The following DUSP18 variants were observed in gnomAD, a reference collection of about 807,000 sequenced individuals.
The protein encoded by DUSP18 is dual specificity phosphatase 18.
Under a neutral mutation model 6.3 loss-of-function variants are expected in DUSP18, and 4 were observed. That is an observed-to-expected ratio of 0.63 (90% CI 0.31 to 1.45). DUSP18 has a LOEUF of 1.45. DUSP18 is among the 40% of genes most tolerant of loss of function. The probability of loss-of-function intolerance (pLI) is 0.07; values close to 1 mark genes in which losing one functional copy is unlikely to be tolerated. For synonymous variants in DUSP18, 96 were observed against 95.1 expected (o/e 1.01, Z -0.05); for missense variants, 235 against 247.7 (o/e 0.95, Z 0.34).
chr22:30,660,593 G>A (rs2088437376), downstream of DUSP18, among the ~76,000 whole-genome samples: 2 of 152,196 alleles, frequency 1.3e-5, no homozygotes, highest in Non-Finnish European at 2.9e-5. Flanking sequence ...AACAATACTT[G>A]AAGAAATCAT....
chr22:30,663,729 C>T lies in DUSP18; in HGVS notation c.275G>A (p.Ser92Asn). Residue 92 changes from serine to asparagine, a missense_variant, in exon 2 of 2, where the codon AGC becomes AAC. Ser to Asn is a conservative substitution (Grantham distance 46). Coordinates refer to ENST00000334679, the MANE Select transcript of DUSP18 (RefSeq NM_152511.5). Reference sequence around the variant, plus strand: ...AGTACGGCCCTGCTTCATCTCCACGCTGTGGATATGGTCAGCAATAGGGTC... The same window carrying T: ...AGTACGGCCCTGCTTCATCTCCACGTTGTGGATATGGTCAGCAATAGGGTC... Reference protein sequence around the residue: ...FFDPIADHIHSVEMKQGRTLL... With the variant: ...FFDPIADHIHNVEMKQGRTLL... 1 of 1,614,242 alleles carries T rather than the reference C, an allele frequency of 6.2e-7. No homozygotes were observed.
At chr22:30,654,364 TG>T in intron 2 of DUSP18, 1 of 463,684 alleles carries the variant, frequency 2.2e-6, no homozygotes, top group African/African-American at 2.0e-5. Context: ...TGTCACTGTC[TG>T]GTACTTCCAG....
intron 1 of DUSP18, among the ~76,000 whole-genome samples, chr22:30,665,828 A>G (rs1255681417): frequency 6.7e-6 from 1 of 150,136 alleles, no homozygotes; most frequent in African/African-American, 2.5e-5. Context: ...CTTGATAAAT[A>G]TTTGTTGAAT....
chr22:30,658,436 C>T (rs1247418129), downstream of DUSP18, among the ~76,000 whole-genome samples: 1 of 151,362 alleles, frequency 6.6e-6, no homozygotes, highest in Non-Finnish European at 1.5e-5. Context: ...CAGAAAAGCA[C>T]CTAAAACTCT....
At position 30,662,452 on chromosome 22, in the gene DUSP18, C is replaced by T. The variant is rs190940171; in HGVS notation, c.*985G>A. ...CATGTGCCCTGGAGAAGGGGACTAA[C>T]ACCATCTTTTGCCAAAGTTTGGTGA... On this transcript the variant is annotated 3_prime_UTR_variant, in exon 2 of 2. Transcript: ENST00000334679. 9 of 152,324 alleles carry T rather than the reference C, an allele frequency of 5.9e-5. No homozygotes were observed. Among genetic ancestry groups the T allele is most frequent in the Non-Finnish European group, 1.3e-4 (9 of 68,040 alleles). 9.4% of individuals were successfully genotyped at this position (152,324 alleles called of 1,614,324 possible).
chr22:30,665,273 T>A (rs1269291132), intron 1 of DUSP18, among the ~76,000 whole-genome samples: 1 of 152,224 alleles, frequency 6.6e-6, no homozygotes, highest in Non-Finnish European at 1.5e-5. Flanking sequence ...TCAGTGGCTA[T>A]CCACTGTGAG....
rs181226534 is a variant in DUSP18 at position 30,666,482 on chromosome 22, C to T, written c.-78+980G>A. 8.5e-3 allele frequency among the ~76,000 whole-genome samples: 1,294 copies of T among 151,980 alleles called. 9 individuals are homozygous for T. Among genetic ancestry groups the T allele is most frequent in the South Asian group, 0.026 (126 of 4,810 alleles). ...ACTAAAAATACAAAAATTAGCCAGG[C>T]GTGGTGGCATGGGCCTGTAGTCCCA... On this transcript the variant is annotated intron_variant, in intron 1 of 1. Coordinates refer to ENST00000334679, the MANE Select transcript of DUSP18 (RefSeq NM_152511.5).
chr22:30,665,898 A>G (rs1191288621), intron 1 of DUSP18, among the ~76,000 whole-genome samples: 1 of 135,584 alleles, frequency 7.4e-6, no homozygotes, highest in Non-Finnish European at 1.6e-5. Flanking sequence ...GGAAAGAATG[A>G]GTTCTCTGGC....
chr22:30,665,400 C>G (rs1380248040), intron 1 of DUSP18: 2 of 381,804 alleles, frequency 5.2e-6, no homozygotes, highest in African/African-American at 4.2e-5. Context: ...GTGAACCGAG[C>G]CACTTACAGT....
intron 2 of DUSP18, chr22:30,653,946 G>A (rs5997722): frequency 0.17 from 28,254 of 166,702 alleles, 3,002 homozygotes; most frequent in African/African-American, 0.29. Context: ...CGTTCTTTTC[G>A]GCCTGTTTCT....
chr22:30,652,245 A>T (rs2145588527), exon 3 of DUSP18: 1 of 152,270 alleles, frequency 6.6e-6, no homozygotes, highest in South Asian at 2.1e-4. Flanking sequence ...ACAAGATCAG[A>T]CGAGCCAGTT....
At chr22:30,659,286 G>C (rs1211319125), downstream of DUSP18, among the ~76,000 whole-genome samples, 2 of 152,060 alleles carry the variant, frequency 1.3e-5, no homozygotes, top group African/African-American at 4.8e-5. Context: ...AAAATGCCTA[G>C]GATACAATCA....
At chr22:30,660,689 A>G (rs867350723), downstream of DUSP18, among the ~76,000 whole-genome samples, 2 of 152,232 alleles carry the variant, frequency 1.3e-5, no homozygotes, top group South Asian at 4.1e-4. Context: ...CCATGTCCAT[A>G]TACATCATAA....
At chr22:30,666,177 G>A (rs2088651420) in intron 1 of DUSP18, among the ~76,000 whole-genome samples, 1 of 152,158 alleles carries the variant, frequency 6.6e-6, no homozygotes, top group Admixed American at 6.5e-5. Flanking sequence ...CCATAGAGAA[G>A]TGAACTGATG....
Position 30,653,373 on chromosome 22 carries a change from T to C in DUSP18, c.*34-1076A>G, listed in dbSNP as rs564123546. Among the ~76,000 whole-genome samples, 1,304 of 149,610 alleles carry C rather than the reference T, an allele frequency of 8.7e-3. 18 individuals are homozygous for C. The highest frequency in any genetic ancestry group is 0.014 in the Middle Eastern group (4 of 278). On this transcript the variant is annotated intron_variant, in intron 2 of 2. Coordinates refer to the DUSP18 transcript ENST00000404885. ...AACCCTCATGTGCCCCCTTCCTCCT[T>C]CTTTTTTTTTTTTTTTGAGACAGAG...
intron 1 of DUSP18, chr22:30,665,666 T>A (rs529628590): frequency 2.6e-6 from 1 of 388,016 alleles, no homozygotes; most frequent in East Asian, 7.4e-5. Flanking sequence ...TAACACTTAC[T>A]GAAGACGTAG....
At chr22:30,655,641 T>C (rs1239590483) in intron 2 of DUSP18, among the ~76,000 whole-genome samples, 1 of 152,136 alleles carries the variant, frequency 6.6e-6, no homozygotes, top group Admixed American at 6.5e-5. Flanking sequence ...TCAAGGAATC[T>C]GGTTTCAGCA....
At position 30,663,445 on chromosome 22, in the gene DUSP18, G is replaced by A; in HGVS notation, c.559C>T (p.Pro187Ser). The change falls in exon 2 of 2, where the codon CCA becomes TCA. Residue 187 changes from proline (P) to serine (S), a missense_variant. Pro to Ser is a moderately conservative substitution (Grantham distance 74). Transcript: ENST00000334679. The stretch of plus-strand genomic sequence containing the variant: ...GGGGCTCGTGGGATGGCTCACAGTG[G>A]AATCATCAAACGGACTTCCTTCTCA... The part of the protein sequence containing the change: ...IYEKEVRLMI[P>S]L The A allele has an allele frequency of 6.2e-7, 1 of 1,608,806 alleles. No homozygotes were observed. The highest frequency in any genetic ancestry group is 8.5e-7 in the Non-Finnish European group (1 of 1,175,612).
At chr22:30,661,308 G>A (rs2088459778), downstream of DUSP18, 1 of 152,064 alleles carries the variant, frequency 6.6e-6, no homozygotes, top group Admixed American at 6.6e-5. Flanking sequence ...ACTATCAAAG[G>A]AAATACTCAT....
Sources: gnomAD v4.1 joint callset for allele counts (sites outside exome capture counted in the v4.1 genomes callset) on GRCh38, gnomAD v4.1.1 for gene constraint, MANE v1.5 for transcripts, NCBI Gene and HGNC (gene_info 2026-07-23, HGNC 2026-07-21) for gene names.